Variants in FAM234B observed in about 807,000 individuals in gnomAD.
FAM234B encodes the protein family with sequence similarity 234 member B.
A neutral mutation model predicts 69.3 loss-of-function variants in FAM234B; 33 were observed. The ratio of observed to expected loss-of-function variants is 0.48; its 90% confidence interval spans 0.36 to 0.64. The LOEUF (loss-of-function observed/expected upper bound fraction) is 0.64, where lower values mean the gene tolerates loss of function less well. FAM234B is among the 30% of genes least tolerant of loss of function. The pLI is 0.00. For synonymous variants in FAM234B, 306 were observed against 306.9 expected (o/e 1.00, Z 0.03); for missense variants, 697 against 769.7 (o/e 0.91, Z 1.12).
intron 1 of FAM234B, among the ~76,000 whole-genome samples, chr12:13,052,419 T>C (rs901635001): frequency 7.2e-6 from 1 of 139,400 alleles, no homozygotes; most frequent in African/African-American, 2.8e-5. Context: ...TTCCTGTTTT[T>C]CAGATATATA....
intron 10 of FAM234B, among the ~76,000 whole-genome samples, chr12:13,075,444 T>TA (rs1555121829): frequency 6.7e-6 from 1 of 149,252 alleles, no homozygotes; most frequent in African/African-American, 2.5e-5. Flanking sequence ...TTTTTTTTTT[T>TA]TTTTATTTTT....
chr12:13,071,678 A>G (rs889226607), intron 10 of FAM234B, among the ~76,000 whole-genome samples: 1 of 152,128 alleles, frequency 6.6e-6, no homozygotes, highest in Admixed American at 6.6e-5. Context: ...TACTAGATCC[A>G]AATTTACAGA....
Position 13,082,487 on chromosome 12 carries a change from G to T in FAM234B, c.*1857G>T, listed in dbSNP as rs927629127. Reference sequence around the variant, plus strand: ...CCTGAAGGCAAATTTTGTTTCAACAGTTTGGAAGTCATCTGTGGGTCCAGC... The same window carrying T: ...CCTGAAGGCAAATTTTGTTTCAACATTTTGGAAGTCATCTGTGGGTCCAGC... On this transcript the variant is annotated 3_prime_UTR_variant, in exon 13 of 13. Coordinates refer to ENST00000197268, the MANE Select transcript of FAM234B (RefSeq NM_020853.2). 2.6e-4 allele frequency: 39 copies of T among 152,338 alleles called. No individual in the cohort carries two copies. The highest frequency in any genetic ancestry group is 9.1e-4 in the African/African-American group (38 of 41,564). 9.4% of individuals were successfully genotyped at this position (152,338 alleles called of 1,614,324 possible).
rs192666585 is a variant in FAM234B, at chr12:13,067,123, A to G, written c.1001-32A>G. 44 of 1,613,300 alleles carry G rather than the reference A, an allele frequency of 2.7e-5. No individual in the cohort carries two copies. In the South Asian group the frequency reaches 2.7e-4, roughly 10 times the overall value. ...CCATGGGACAGTTCTGTTAAATTCA[A>G]CTTCTCAGTGTTGGTTCTTCTGTGG... On this transcript the variant is annotated intron_variant, in intron 6 of 12. Coordinates refer to ENST00000197268, the MANE Select transcript of FAM234B (RefSeq NM_020853.2). The surrounding 1 kb of genome is among the most constrained non-coding windows in gnomAD (Gnocchi z 4.7).
In FAM234B at chr12:13,062,882, C is replaced by T. The variant is rs1229832583; in HGVS notation, c.759C>T (p.Ser253=). ...GGACTTTAAACCCAAACTACTTGTC[C>T]AACGGTACCTTGGCTGCCCCAGTTG... The part of the protein sequence containing the change: ...AIWTLNPNYL[S]NGTLAAPVVV... The change falls in exon 5 of 13, where the codon TCC becomes TCT. Residue 253 remains serine (S), a synonymous_variant. Transcript: ENST00000197268. 6.2e-7 allele frequency: 1 copy of T among 1,614,034 alleles called. No homozygotes were observed. The highest frequency in any genetic ancestry group is 8.5e-7 in the Non-Finnish European group (1 of 1,179,936).
chr12:13,056,482 G>A (rs1053291307), intron 2 of FAM234B, among the ~76,000 whole-genome samples: 23 of 152,230 alleles, frequency 1.5e-4, no homozygotes, highest in African/African-American at 5.5e-4. Context: ...TTTGGAGTAG[G>A]CTTCTTTAAA....
At position 13,080,749 on chromosome 12, in the gene FAM234B, C is replaced by G. The variant is rs1332053221; in HGVS notation, c.*119C>G. ...TTCTTCGTCCTCATTTACCACCTCCCTGATGGTTGCAAAGGCTTGGGAAGG... is the reference window on the plus strand; with the variant it reads ...TTCTTCGTCCTCATTTACCACCTCCGTGATGGTTGCAAAGGCTTGGGAAGG... On this transcript the variant is annotated 3_prime_UTR_variant, in exon 13 of 13. Coordinates refer to ENST00000197268, the MANE Select transcript of FAM234B (RefSeq NM_020853.2). 1.2e-5 allele frequency: 10 copies of G among 840,920 alleles called. No individual in the cohort carries two copies. The highest frequency in any genetic ancestry group is 1.7e-5 in the Non-Finnish European group (9 of 516,594). The allele number at this position is 840,920 out of a possible 1,614,324, so 52.1% of individuals were successfully genotyped here. A position where few individuals can be genotyped will look rare whatever the true frequency, so the allele number is the denominator to read the frequency against.
intron 11 of FAM234B, among the ~76,000 whole-genome samples, chr12:13,077,518 G>A (rs931047376): frequency 1.1e-3 from 170 of 149,292 alleles, no homozygotes; most frequent in African/African-American, 3.8e-3. Flanking sequence ...GAGAACATGC[G>A]GTGTTTGGTT....
At chr12:13,051,277 T>C (rs950441205) in intron 1 of FAM234B, among the ~76,000 whole-genome samples, 2 of 152,232 alleles carry the variant, frequency 1.3e-5, no homozygotes, top group Non-Finnish European at 2.9e-5. Context: ...GTACATAGCA[T>C]GATAAAAATG....
At chr12:13,062,756 GTCTT>G in intron 4 of FAM234B, 85 bp from the exon 5 acceptor site, 1 of 1,441,898 alleles carries the variant, frequency 6.9e-7, no homozygotes, top group East Asian at 2.3e-5. Flanking sequence ...AGCCCCTTGC[GTCTT>G]TCTTTTCTGG....
intron 9 of FAM234B, among the ~76,000 whole-genome samples, chr12:13,070,471 C>T (rs1865093997): frequency 6.6e-6 from 1 of 152,046 alleles, no homozygotes; most frequent in Admixed American, 6.5e-5. Flanking sequence ...CCTCCACTTA[C>T]AGAAGTGTGG....
chr12:13,079,287 A>G lies in FAM234B; in HGVS notation c.1643-502A>G, dbSNP rs534752940. On this transcript the variant is annotated intron_variant, in intron 11 of 12. Coordinates refer to ENST00000197268, the MANE Select transcript of FAM234B (RefSeq NM_020853.2). The stretch of plus-strand genomic sequence containing the variant: ...CAAACCTGAGAAAAACAAGCAATGG[A>G]GAAAGGATTCCCTATTTAATAAATG... 2.0e-3 allele frequency among the ~76,000 whole-genome samples: 309 copies of G among 152,284 alleles called. 1 individual carries two copies. The highest frequency in any genetic ancestry group is 6.7e-3 in the African/African-American group (278 of 41,558).
chr12:13,067,086 C>A lies in FAM234B; in HGVS notation c.1001-69C>A. On this transcript the variant is annotated intron_variant, in intron 6 of 12. Transcript: ENST00000197268. This position sits in a 1 kb window ranked among gnomAD's most constrained non-coding sequence, Gnocchi z 4.7. Reference sequence around the variant, plus strand: ...ATCTGGTCAGGCTCTGTGTCTCTTGCTCAGATCCTCACCATGGGACAGTTC... The same window carrying A: ...ATCTGGTCAGGCTCTGTGTCTCTTGATCAGATCCTCACCATGGGACAGTTC... The A allele has an allele frequency of 6.3e-7, 1 of 1,581,152 alleles. No individual in the cohort carries two copies. The highest frequency in any genetic ancestry group is 8.7e-7 in the Non-Finnish European group (1 of 1,154,560).
At position 13,062,815 on chromosome 12, in the gene FAM234B, A is replaced by G. The variant is rs752574487; in HGVS notation, c.722-30A>G. ...CCTTTTCCAAAGGCAAGAAGTTGTCATAGTGACCAGCCTATGTGTCCTTCC... is the reference window on the plus strand; with the variant it reads ...CCTTTTCCAAAGGCAAGAAGTTGTCGTAGTGACCAGCCTATGTGTCCTTCC... On this transcript the variant is annotated intron_variant, in intron 4 of 12. Transcript: ENST00000197268. 9.9e-6 allele frequency: 16 copies of G among 1,610,958 alleles called. No individual in the cohort carries two copies. In the South Asian group the frequency reaches 1.2e-4, roughly 12 times the overall value.
intron 6 of FAM234B, 42 bp downstream of exon 6, chr12:13,066,829 A>G: frequency 1.3e-6 from 2 of 1,591,180 alleles, no homozygotes; most frequent in East Asian, 2.2e-5. Context: ...CCCCACTGGC[A>G]TTTGTGATGA....
chr12:13,057,566 G>A (rs909973948), intron 2 of FAM234B, among the ~76,000 whole-genome samples: 1 of 151,934 alleles, frequency 6.6e-6, no homozygotes, highest in African/African-American at 2.4e-5. Flanking sequence ...TAAAATTGCT[G>A]GATCATACCA....
intron 5 of FAM234B, among the ~76,000 whole-genome samples, chr12:13,063,857 G>A (rs1865009711): frequency 6.6e-6 from 1 of 152,158 alleles, no homozygotes; most frequent in Non-Finnish European, 1.5e-5. Context: ...GGCAAAGAAT[G>A]TTTGTGGAAA....
intron 10 of FAM234B, among the ~76,000 whole-genome samples, chr12:13,071,818 T>TG (rs1449513799): frequency 6.6e-6 from 1 of 151,870 alleles, no homozygotes; most frequent in East Asian, 1.9e-4. Context: ...GGAACGGGGA[T>TG]GGGGGAGGGT....
At position 13,079,962 on chromosome 12, in the gene FAM234B, C is replaced by G; in HGVS notation, c.1816C>G (p.Leu606Val). The change falls in exon 12 of 13, where the codon CTG (leucine) becomes GTG (valine). Residue 606 changes from leucine to valine, a missense_variant. This residue lies in a region of FAM234B where 313 missense variants were observed against 305.5 expected (regional missense o/e 1.02). Transcript: ENST00000197268. ...CACCCCCAAAATTGGCCGTGGGGAG[C>G]TGCGAAGATTTCTCTCTAGGATAAA... ...ESTPKIGRGELRRFLSRIKFV... is the reference protein window; with the variant it reads ...ESTPKIGRGEVRRFLSRIKFV... 1 of 1,612,188 alleles carries G rather than the reference C, an allele frequency of 6.2e-7. No homozygotes were observed. The highest frequency in any genetic ancestry group is 8.5e-7 in the Non-Finnish European group (1 of 1,179,194).
Sources: allele counts gnomAD v4.1 joint callset (sites outside exome capture counted in the v4.1 genomes callset), GRCh38; gene constraint gnomAD v4.1.1; regional missense constraint gnomAD v4.1.1; non-coding constraint Gnocchi (gnomAD v3.1); transcripts MANE v1.5; gene names NCBI Gene and HGNC (gene_info 2026-07-23, HGNC 2026-07-21).